Variants in ANKS6 observed in about 807,000 individuals in gnomAD.
ANKS6 encodes the protein ankyrin repeat and SAM domain-containing protein 6.
A neutral mutation model predicts 77.9 loss-of-function variants in ANKS6; 47 were observed. The observed-to-expected ratio is 0.60, with a 90% confidence interval of 0.48 to 0.77. The LOEUF is 0.77. Ranked by LOEUF, ANKS6 falls within the 30% of genes least tolerant of loss-of-function variation. The probability of loss-of-function intolerance (pLI) is 0.00; values close to 1 mark genes in which losing one functional copy is unlikely to be tolerated. For missense variants in ANKS6, 1,150 were observed against 1,159.1 expected (o/e 0.99, Z 0.11); for synonymous variants, 488 against 501.7 (o/e 0.97, Z 0.37).
At chr9:98,765,675 T>C (rs1294942518) in intron 11 of ANKS6, among the ~76,000 whole-genome samples, 5 of 152,174 alleles carry the variant, frequency 3.3e-5, no homozygotes, top group Admixed American at 1.3e-4. Context: ...AAAGCTGATA[T>C]ATCTAGTAGG....
At chr9:98,789,428 T>TAA (rs11437180) in intron 2 of ANKS6, among the ~76,000 whole-genome samples, 32,134 of 129,842 alleles carry the variant, frequency 0.25, 4,470 homozygotes, top group South Asian at 0.34. Flanking sequence ...GGCAAGAAGT[T>TAA]AAAAAAAAAA....
At chr9:98,785,350 G>T (rs1329344859) in intron 2 of ANKS6, among the ~76,000 whole-genome samples, 1 of 152,234 alleles carries the variant, frequency 6.6e-6, no homozygotes, top group Non-Finnish European at 1.5e-5. Flanking sequence ...ACAGCCAACA[G>T]AAGAGCCAAT....
At chr9:98,782,624 G>T in intron 4 of ANKS6, 51 bp from the exon 5 acceptor site, 1 of 1,482,800 alleles carries the variant, frequency 6.7e-7, no homozygotes, top group Non-Finnish European at 9.4e-7. Context: ...GCATGGCTTT[G>T]CTCCTGGGCA....
chr9:98,790,093 T>C lies in ANKS6; in HGVS notation c.862+11A>G, dbSNP rs757252223. ...GTCCTCTGTGAAGCCACGGGGGGCA[T>C]GCAGCCTGACCTGTTTTGGGCCTGA... On this transcript the variant is annotated intron_variant, in intron 2 of 14. Transcript: ENST00000353234. 5 of 1,543,012 alleles carry C rather than the reference T, an allele frequency of 3.2e-6. No individual in the cohort carries two copies. Among genetic ancestry groups the C allele is most frequent in the South Asian group, 1.2e-5 (1 of 81,666 alleles).
chr9:98,744,873 A>G (rs1832032756), intron 14 of ANKS6, among the ~76,000 whole-genome samples: 1 of 152,116 alleles, frequency 6.6e-6, no homozygotes, highest in African/African-American at 2.4e-5. Flanking sequence ...GAAAAAAAAA[A>G]AGCCACCCTT....
chr9:98,770,783 C>T, intron 10 of ANKS6, 113 bp downstream of exon 10: 1 of 1,115,660 alleles, frequency 9.0e-7, no homozygotes, highest in Non-Finnish European at 1.1e-6. Flanking sequence ...GGAGAAAGTG[C>T]CTCTTGCGTG....
chr9:98,738,578 A>AT (rs1416989265), intron 14 of ANKS6, among the ~76,000 whole-genome samples: 29 of 152,044 alleles, frequency 1.9e-4, no homozygotes, highest in Admixed American at 3.3e-4. Context: ...CAAAAAAATA[A>AT]AATAAAAAAA....
intron 11 of ANKS6, among the ~76,000 whole-genome samples, chr9:98,761,438 G>A (rs1833004135): frequency 6.6e-6 from 1 of 151,994 alleles, no homozygotes; most frequent in Non-Finnish European, 1.5e-5. Context: ...CCTGGCTCCT[G>A]GATAAAAAAC....
In ANKS6 at chr9:98,756,406, C is replaced by T; in HGVS notation, c.2326+14G>A. ...AGAGGAATAGGTGGGGTTTCAGGCC[C>T]TCAGGGGACTCACCCTCATCTGTGA... On this transcript the variant is annotated intron_variant, in intron 12 of 14. Coordinates refer to ENST00000353234, the MANE Select transcript of ANKS6 (RefSeq NM_173551.5). 6.2e-7 allele frequency: 1 copy of T among 1,610,146 alleles called. No homozygotes were observed.
intron 14 of ANKS6, among the ~76,000 whole-genome samples, chr9:98,743,156 C>T (rs562963557): frequency 6.6e-6 from 1 of 152,310 alleles, no homozygotes; most frequent in Non-Finnish European, 1.5e-5. Context: ...CGTCCTTCTT[C>T]CTTAACTGGC....
chr9:98,752,432 C>T (rs1292700399), intron 12 of ANKS6, among the ~76,000 whole-genome samples: 1 of 152,058 alleles, frequency 6.6e-6, no homozygotes, highest in Non-Finnish European at 1.5e-5. Flanking sequence ...TCCTTCCCTC[C>T]CTCTTTCCCT....
intron 3 of ANKS6, 52 bp from the exon 4 acceptor site, chr9:98,784,209 T>C (rs542562807): frequency 1.4e-6 from 2 of 1,447,216 alleles, no homozygotes; most frequent in East Asian, 2.5e-5. Context: ...TACCATAGGC[T>C]GATTTCTCCT....
chr9:98,782,360 C>A, intron 5 of ANKS6, 107 bp downstream of exon 5: 2 of 1,007,750 alleles, frequency 2.0e-6, no homozygotes, highest in Non-Finnish European at 3.0e-6. Context: ...CTTTCCCCCA[C>A]GAATAAGCAA....
chr9:98,785,193 A>G lies in ANKS6; in HGVS notation c.863-317T>C, dbSNP rs73655504. Among the ~76,000 whole-genome samples the G allele has an allele frequency of 2.0e-3, 306 of 152,344 alleles. 2 individuals carry two copies. Among genetic ancestry groups the G allele is most frequent in the African/African-American group, 7.2e-3 (300 of 41,578 alleles). ...GCATATCCTTTCTTAGATATACTGA[A>G]AAGTCTTGGGGTCTTAGAAAATCCT... On this transcript the variant is annotated intron_variant, in intron 2 of 14. Transcript: ENST00000353234.
intron 8 of ANKS6, among the ~76,000 whole-genome samples, chr9:98,775,226 A>G (rs945547518): frequency 1.3e-5 from 2 of 152,256 alleles, no homozygotes; most frequent in East Asian, 1.9e-4. Flanking sequence ...TCTTTCTGGA[A>G]GCCAATGACA....
Position 98,732,390 on chromosome 9 carries a change from G to A in ANKS6, c.*4129C>T. 8.2e-7 allele frequency: 1 copy of A among 1,213,012 alleles called. No individual in the cohort carries two copies. 75.1% of individuals were successfully genotyped at this position (1,213,012 alleles called of 1,614,324 possible). ...AACTATCTTTCTTTCTGTCTGCCAT[G>A]CCAGGAAATCCAGTGACAGCAAGAC... On this transcript the variant is annotated 3_prime_UTR_variant, in exon 15 of 15. Coordinates refer to ENST00000353234, the MANE Select transcript of ANKS6 (RefSeq NM_173551.5).
At position 98,735,666 on chromosome 9, in the gene ANKS6, G is replaced by C; in HGVS notation, c.*853C>G. ...CAGGTGAGCACTGTGGAGTACCAGA[G>C]CATCATCTGGTCTGACCTTCCACTT... On this transcript the variant is annotated 3_prime_UTR_variant, in exon 15 of 15. Coordinates refer to ENST00000353234, the MANE Select transcript of ANKS6 (RefSeq NM_173551.5). The C allele has an allele frequency of 8.1e-7, 1 of 1,231,694 alleles. No individual in the cohort carries two copies. The highest frequency in any genetic ancestry group is 4.1e-5 in the South Asian group (1 of 24,322). 76.3% of individuals were successfully genotyped at this position (1,231,694 alleles called of 1,614,324 possible).
At chr9:98,790,994 C>T (rs1834876687) in intron 1 of ANKS6, among the ~76,000 whole-genome samples, 1 of 152,166 alleles carries the variant, frequency 6.6e-6, no homozygotes, top group Admixed American at 6.5e-5. Flanking sequence ...TCAATGTTAG[C>T]GATTGTTAGG....
intron 11 of ANKS6, among the ~76,000 whole-genome samples, chr9:98,767,467 C>G (rs1228222954): frequency 6.6e-6 from 1 of 152,174 alleles, no homozygotes; most frequent in Non-Finnish European, 1.5e-5. Flanking sequence ...ATCCTTCCTG[C>G]TCCACAACAA....
Sources: allele counts gnomAD v4.1 joint callset (sites outside exome capture counted in the v4.1 genomes callset), GRCh38; gene constraint gnomAD v4.1.1; transcripts MANE v1.5; gene names NCBI Gene and HGNC (gene_info 2026-07-23, HGNC 2026-07-21).